The following KLHL1 variants were observed in gnomAD, a reference collection of about 807,000 sequenced individuals.
KLHL1 encodes the protein kelch-like protein 1.
Under a neutral mutation model 77.7 loss-of-function variants are expected in KLHL1, and 47 were observed. The ratio of observed to expected loss-of-function variants is 0.60; its 90% CI spans 0.48 to 0.77. KLHL1 has a LOEUF of 0.77. Ranked by LOEUF, KLHL1 falls within the 30% of genes least tolerant of loss-of-function variation. KLHL1 has a pLI of 0.00. For synonymous variants in KLHL1, 360 were observed against 325.2 expected (o/e 1.11, Z -1.15); for missense variants, 925 against 910.8 (o/e 1.02, Z -0.20).
At chr13:70,034,007 A>G (rs957385260) in intron 1 of KLHL1, among the ~76,000 whole-genome samples, 2 of 152,162 alleles carry the variant, frequency 1.3e-5, no homozygotes, top group African/African-American at 2.4e-5. Context: ...GAAATATCCC[A>G]TGACATTCCT....
chr13:69,755,479 C>T (rs2137955712), intron 7 of KLHL1, among the ~76,000 whole-genome samples: 1 of 152,074 alleles, frequency 6.6e-6, no homozygotes, highest in South Asian at 2.1e-4. Flanking sequence ...AGGAACATTG[C>T]ACAATTTGTA....
At chr13:69,782,238 C>CACA (rs1483565098) in intron 7 of KLHL1, among the ~76,000 whole-genome samples, 1 of 152,208 alleles carries the variant, frequency 6.6e-6, no homozygotes, top group Non-Finnish European at 1.5e-5. Context: ...GCGTGAGCGA[C>CACA]GCAGAAGATG....
chr13:69,736,345 A>G (rs1210409681), intron 8 of KLHL1, among the ~76,000 whole-genome samples: 1 of 152,114 alleles, frequency 6.6e-6, no homozygotes, highest in East Asian at 1.9e-4. Context: ...GGATTTAACC[A>G]CCTTACTCTT....
rs1322876594 is a variant in KLHL1 at position 69,746,943 on chromosome 13, A to G, written c.1640-6387T>C. 2.0e-5 allele frequency among the ~76,000 whole-genome samples: 3 copies of G among 152,074 alleles called. No individual in the cohort carries two copies. In the East Asian group the frequency reaches 5.8e-4, roughly 29 times the overall value. On this transcript the variant is annotated intron_variant, in intron 7 of 10. Coordinates refer to ENST00000377844, the MANE Select transcript of KLHL1 (RefSeq NM_020866.3). ...TCCATAAAAAGGTTAAACTCTAATT[A>G]CTGCCTCTGTCATTCAGAGACTGTA...
chr13:70,060,076 A>G (rs1033460150), intron 1 of KLHL1, among the ~76,000 whole-genome samples: 1 of 152,210 alleles, frequency 6.6e-6, no homozygotes, highest in African/African-American at 2.4e-5. Flanking sequence ...AGGAACTTGG[A>G]AAAATCCAAT....
chr13:69,886,358 T>G (rs2138201729), intron 4 of KLHL1, among the ~76,000 whole-genome samples: 1 of 129,968 alleles, frequency 7.7e-6, no homozygotes, highest in East Asian at 2.4e-4. Context: ...TTATCCTGAA[T>G]AGACAGAAGT....
intron 1 of KLHL1, among the ~76,000 whole-genome samples, chr13:70,013,973 T>C (rs979500706): frequency 1.3e-5 from 2 of 152,132 alleles, no homozygotes; most frequent in Non-Finnish European, 2.9e-5. Flanking sequence ...GTAGAACAGG[T>C]TGTATTTACT....
At chr13:69,762,235 T>G (rs989193501) in intron 7 of KLHL1, among the ~76,000 whole-genome samples, 19 of 152,108 alleles carry the variant, frequency 1.2e-4, no homozygotes, top group African/African-American at 4.3e-4. Flanking sequence ...TAGGCAAAAC[T>G]AACTGAATTA....
At chr13:70,031,274 C>A (rs909479758) in intron 1 of KLHL1, among the ~76,000 whole-genome samples, 9 of 152,132 alleles carry the variant, frequency 5.9e-5, no homozygotes, top group African/African-American at 2.2e-4. Context: ...TTGCAAACAT[C>A]ACATCTCACA....
intron 1 of KLHL1, among the ~76,000 whole-genome samples, chr13:69,990,467 T>C (rs1014851089): frequency 1.3e-5 from 2 of 151,884 alleles, no homozygotes; most frequent in Non-Finnish European, 2.9e-5. Context: ...AATAAAGGGA[T>C]GAAGAAAAAT....
chr13:69,798,493 C>G (rs1045616579), intron 6 of KLHL1, among the ~76,000 whole-genome samples: 3 of 151,906 alleles, frequency 2.0e-5, no homozygotes, highest in African/African-American at 7.3e-5. Flanking sequence ...CAATATATAA[C>G]TAATTTTGAA....
At chr13:69,897,236 T>C (rs1566376430) in intron 4 of KLHL1, among the ~76,000 whole-genome samples, 1 of 152,298 alleles carries the variant, frequency 6.6e-6, no homozygotes, top group Non-Finnish European at 1.5e-5. Context: ...ACTTAATCTC[T>C]GAGTCAAATT....
At chr13:70,106,986 GA>G (rs1183338791) in intron 1 of KLHL1, among the ~76,000 whole-genome samples, 2 of 152,150 alleles carry the variant, frequency 1.3e-5, no homozygotes, top group East Asian at 3.8e-4. Context: ...CTACAACTTT[GA>G]AAACTTCCAA....
chr13:69,839,771 G>T (rs1879168817), intron 5 of KLHL1, among the ~76,000 whole-genome samples: 1 of 151,942 alleles, frequency 6.6e-6, no homozygotes, highest in Non-Finnish European at 1.5e-5. Context: ...AATAGAGTGA[G>T]ACCAGTAGTT....
chr13:69,858,022 CACCAGTTGTTAGA>C (rs1300115378), intron 5 of KLHL1, among the ~76,000 whole-genome samples: 1 of 152,026 alleles, frequency 6.6e-6, no homozygotes, highest in Non-Finnish European at 1.5e-5. Flanking sequence ...CAACTGACTA[CACCAGTTGTTAGA>C]TACATCAGCA....
At chr13:69,892,943 T>A (rs1881480996) in intron 4 of KLHL1, among the ~76,000 whole-genome samples, 1 of 152,244 alleles carries the variant, frequency 6.6e-6, no homozygotes, top group African/African-American at 2.4e-5. Flanking sequence ...CATTTATTGC[T>A]TAATAAAGGA....
At chr13:70,058,499 A>C (rs1389739611) in intron 1 of KLHL1, among the ~76,000 whole-genome samples, 1 of 152,200 alleles carries the variant, frequency 6.6e-6, no homozygotes, top group African/African-American at 2.4e-5. Context: ...TAAAATACTT[A>C]TGAATAAACT....
chr13:69,917,369 T>A (rs1389934320), intron 4 of KLHL1, among the ~76,000 whole-genome samples: 1 of 152,084 alleles, frequency 6.6e-6, no homozygotes, highest in African/African-American at 2.4e-5. Flanking sequence ...TGTACAAAAG[T>A]AAGAAACTCC....
intron 1 of KLHL1, among the ~76,000 whole-genome samples, chr13:70,044,432 G>A (rs1275946481): frequency 6.6e-6 from 1 of 151,924 alleles, no homozygotes; most frequent in Non-Finnish European, 1.5e-5. Flanking sequence ...CAACAGAATA[G>A]CATTCACTCA....
Sources: allele counts gnomAD v4.1 joint callset (sites outside exome capture counted in the v4.1 genomes callset), GRCh38; gene constraint gnomAD v4.1.1; transcripts MANE v1.5; gene names NCBI Gene and HGNC (gene_info 2026-07-23, HGNC 2026-07-21).